Variants in CAMK1D observed in about 807,000 individuals in gnomAD.
The protein encoded by CAMK1D is calcium/calmodulin-dependent protein kinase type 1D.
CAMK1D carries 9 observed loss-of-function variants against 47.7 expected under a neutral mutation model. That is an observed-to-expected ratio of 0.19 (90% CI 0.11 to 0.33). The LOEUF (loss-of-function observed/expected upper bound fraction) is 0.33. Among genes scored for constraint, CAMK1D ranks in the 10% least tolerant of loss-of-function variants. The probability of loss-of-function intolerance (pLI) is 1.00; values close to 1 mark genes in which losing one functional copy is unlikely to be tolerated. For missense variants in CAMK1D, 291 were observed against 488.7 expected, an observed-to-expected ratio of 0.60 and a Z score of 3.81; for synonymous variants, 184 against 184.9, an observed-to-expected ratio of 0.99 and a Z score of 0.04.
chr10:12,607,200 G>A (rs1425531612), intron 2 of CAMK1D, among the ~76,000 whole-genome samples: 1 of 152,164 alleles, frequency 6.6e-6, no homozygotes, highest in Non-Finnish European at 1.5e-5. Context: ...TGGAGTGAAT[G>A]CCCATTTATG....
chr10:12,569,340 A>G (rs1021279179), intron 2 of CAMK1D, among the ~76,000 whole-genome samples: 1 of 152,238 alleles, frequency 6.6e-6, no homozygotes, highest in Non-Finnish European at 1.5e-5. Context: ...CATTGATTAC[A>G]GAAAATCTTG....
chr10:12,747,738 C>T (rs1211465642), intron 3 of CAMK1D, among the ~76,000 whole-genome samples: 1 of 152,170 alleles, frequency 6.6e-6, no homozygotes, highest in Non-Finnish European at 1.5e-5. Context: ...GTATGAGTTT[C>T]AGTCTGAAAG....
intron 1 of CAMK1D, among the ~76,000 whole-genome samples, chr10:12,352,518 A>C (rs1444929900): frequency 2.6e-5 from 4 of 151,976 alleles, no homozygotes; most frequent in Non-Finnish European, 5.9e-5. Context: ...CTGAGGCAGG[A>C]GAATCGCTTG....
At chr10:12,494,108 C>T (rs1237891319) in intron 1 of CAMK1D, among the ~76,000 whole-genome samples, 1 of 152,072 alleles carries the variant, frequency 6.6e-6, no homozygotes, top group East Asian at 1.9e-4. Flanking sequence ...GCCGTGGTTC[C>T]CAAAGGAGTC....
In CAMK1D at chr10:12,352,736, CTTTCT is replaced by C. The variant is rs1232630363; in HGVS notation, c.92+2830_92+2834del. Among the ~76,000 whole-genome samples the C allele has an allele frequency of 9.2e-3, 317 of 34,344 alleles. 8 individuals carry two copies. The highest frequency in any genetic ancestry group is 0.017 in the Middle Eastern group (1 of 58). 22.5% of individuals were successfully genotyped at this position (34,344 alleles called of 152,430 possible). On this transcript the variant is annotated intron_variant, in intron 1 of 10. Transcript: ENST00000619168. ...ATTGTCGTCCTTTTGCTTCTGTGGA[CTTTCT>C]TTTTTTTTTTTTTGAGACGGAGTCT...
intron 2 of CAMK1D, among the ~76,000 whole-genome samples, chr10:12,571,682 C>T (rs375646479): frequency 6.6e-6 from 1 of 152,090 alleles, no homozygotes; most frequent in Admixed American, 6.5e-5. Flanking sequence ...TAACACTGTC[C>T]TCATATCAGG....
rs556009819 is a variant in CAMK1D at position 12,597,748 on chromosome 10, A to G, written c.224+44392A>G. 2.3e-4 allele frequency among the ~76,000 whole-genome samples: 35 copies of G among 152,200 alleles called. No homozygotes were observed. The South Asian group carries it at 7.1e-3, about 31-fold the overall frequency. ...CTGGGCCACCCATAGGGCTGTCTTC[A>G]CTTCCTACCATCAGCTGTTCCCTCT... On this transcript the variant is annotated intron_variant, in intron 2 of 10. Transcript: ENST00000619168.
intron 1 of CAMK1D, among the ~76,000 whole-genome samples, chr10:12,551,283 G>A (rs538918889): frequency 1.3e-5 from 2 of 152,258 alleles, no homozygotes; most frequent in South Asian, 2.1e-4. Flanking sequence ...CTGTGCACGC[G>A]AGGGATCTAG....
At chr10:12,550,221 A>T (rs545887971) in intron 1 of CAMK1D, among the ~76,000 whole-genome samples, 18 of 152,240 alleles carry the variant, frequency 1.2e-4, no homozygotes, top group Non-Finnish European at 2.5e-4. Context: ...CATCAGCATT[A>T]GGGACTCAAG....
intron 5 of CAMK1D, among the ~76,000 whole-genome samples, chr10:12,774,545 A>G (rs901533753): frequency 3.0e-4 from 45 of 152,320 alleles, no homozygotes; most frequent in African/African-American, 9.6e-4. Context: ...CTACTCGGTG[A>G]TAGGATGCCG....
At chr10:12,709,069 G>A (rs1833835941) in intron 3 of CAMK1D, among the ~76,000 whole-genome samples, 1 of 152,238 alleles carries the variant, frequency 6.6e-6, no homozygotes, top group African/African-American at 2.4e-5. Context: ...TGGCTACCCA[G>A]GTCCAAGCCT....
chr10:12,616,158 A>C (rs1317396164), intron 2 of CAMK1D, among the ~76,000 whole-genome samples: 3 of 152,122 alleles, frequency 2.0e-5, no homozygotes, highest in Admixed American at 2.0e-4. Flanking sequence ...ACGTGTGTGA[A>C]TGTATATGTG....
rs112927463 is a variant in CAMK1D, at chr10:12,662,885, A to G, written c.225-3851A>G. 2.2e-3 allele frequency among the ~76,000 whole-genome samples: 339 copies of G among 152,296 alleles called. 2 individuals carry two copies. The Middle Eastern group carries it at 0.034, about 15-fold the overall frequency. ...TACGACAATGAACTTGTTAGCTTTTATTGGTAGAAGTATAATATCCAGTTC... is the reference window on the plus strand; with the variant it reads ...TACGACAATGAACTTGTTAGCTTTTGTTGGTAGAAGTATAATATCCAGTTC... On this transcript the variant is annotated intron_variant, in intron 2 of 10. Transcript: ENST00000619168.
intron 3 of CAMK1D, among the ~76,000 whole-genome samples, chr10:12,752,680 G>A (rs999114746): frequency 1.3e-5 from 2 of 152,144 alleles, no homozygotes; most frequent in African/African-American, 4.8e-5. Flanking sequence ...CATAGAATCG[G>A]GGTCCTATCA....
At chr10:12,776,610 T>G (rs910009287) in intron 5 of CAMK1D, among the ~76,000 whole-genome samples, 3 of 152,214 alleles carry the variant, frequency 2.0e-5, no homozygotes, top group Admixed American at 6.5e-5. Context: ...TGTTTCTGTT[T>G]AAAGACACCT....
Position 12,392,352 on chromosome 10 carries a change from C to T in CAMK1D, c.92+42442C>T, listed in dbSNP as rs117294014. ...CAAAAACAAAAAACATAACAAAACC[C>T]CCACAACTCCTCCTTCCCTCTCCCC... On this transcript the variant is annotated intron_variant, in intron 1 of 10. Transcript: ENST00000619168. Among the ~76,000 whole-genome samples, 656 of 151,730 alleles carry T rather than the reference C, an allele frequency of 4.3e-3. 10 individuals are homozygous for T. In the East Asian group the frequency reaches 0.058, roughly 13 times the overall value.
intron 3 of CAMK1D, among the ~76,000 whole-genome samples, chr10:12,674,619 A>ATTTTTTTT (rs1840742323): frequency 8.6e-5 from 1 of 11,656 alleles, no homozygotes; most frequent in African/African-American, 2.4e-4. Context: ...TTTTTTTTTC[A>ATTTTTTTT]GAATTCTGTT....
intron 1 of CAMK1D, among the ~76,000 whole-genome samples, chr10:12,470,928 G>T (rs1833726992): frequency 6.6e-6 from 1 of 152,206 alleles, no homozygotes; most frequent in African/African-American, 2.4e-5. Flanking sequence ...GTACGTGCGT[G>T]CGTGCGTGTG....
intron 1 of CAMK1D, among the ~76,000 whole-genome samples, chr10:12,479,970 A>G (rs1834015337): frequency 6.6e-6 from 1 of 152,086 alleles, no homozygotes; most frequent in Non-Finnish European, 1.5e-5. Context: ...CTGGCAGCCA[A>G]AGACTAAAAA....
Sources: allele counts gnomAD v4.1 joint callset (sites outside exome capture counted in the v4.1 genomes callset), GRCh38; gene constraint gnomAD v4.1.1; transcripts MANE v1.5; gene names NCBI Gene and HGNC (gene_info 2026-07-23, HGNC 2026-07-21).